The following DNAH14 variants were observed in gnomAD, a reference collection of about 807,000 sequenced individuals.
The protein encoded by DNAH14 is axonemal beta dynein heavy chain 14.
Under a neutral mutation model 520.9 loss-of-function variants are expected in DNAH14, and 478 were observed. The observed-to-expected ratio is 0.92, with a 90% CI of 0.85 to 0.99. The LOEUF is 0.99. DNAH14 is among the 50% of genes least tolerant of loss of function. DNAH14 has a pLI of 0.00. For synonymous variants in DNAH14, 1,581 were observed against 1,757.2 expected (o/e 0.90, Z 2.51); for missense variants, 4,831 against 5,234.5 (o/e 0.92, Z 2.38).
At chr1:225,187,615 A>G (rs535641297) in intron 37 of DNAH14, among the ~76,000 whole-genome samples, 196 of 152,004 alleles carry the variant, frequency 1.3e-3, no homozygotes, top group Non-Finnish European at 2.3e-3. Context: ...TTAGCAATGT[A>G]TGAGGCTTTC....
At chr1:225,001,843 A>G (rs979580522) in intron 8 of DNAH14, among the ~76,000 whole-genome samples, 2 of 152,066 alleles carry the variant, frequency 1.3e-5, no homozygotes, top group African/African-American at 4.8e-5. Context: ...TCAGATACTT[A>G]GAGGGATGTC....
At chr1:225,298,110 G>T (rs532766247) in intron 55 of DNAH14, among the ~76,000 whole-genome samples, 2 of 152,216 alleles carry the variant, frequency 1.3e-5, no homozygotes, top group East Asian at 3.9e-4. Context: ...GACCTGAAGG[G>T]GGTGTGTCTG....
intron 20 of DNAH14, among the ~76,000 whole-genome samples, chr1:225,083,329 A>T (rs1276879459): frequency 6.6e-6 from 1 of 152,114 alleles, no homozygotes; most frequent in Non-Finnish European, 1.5e-5. Context: ...CATATTTTAT[A>T]CCTATAATTC....
intron 8 of DNAH14, among the ~76,000 whole-genome samples, chr1:224,983,176 G>A (rs2062392517): frequency 6.6e-6 from 1 of 151,542 alleles, no homozygotes. Flanking sequence ...ATATTTTCCT[G>A]TTAGACAAGG....
At chr1:225,327,537 CA>C (rs2094703113) in intron 64 of DNAH14, among the ~76,000 whole-genome samples, 1 of 151,996 alleles carries the variant, frequency 6.6e-6, no homozygotes, top group South Asian at 2.1e-4. Context: ...AGAGACAAAT[CA>C]AATGCAACAA....
In DNAH14 at chr1:225,104,842, A is replaced by C. The variant is rs566048295; in HGVS notation, c.3867+3958A>C. On this transcript the variant is annotated intron_variant, in intron 23 of 85. Coordinates refer to ENST00000682510, the MANE Select transcript of DNAH14 (RefSeq NM_001367479.1). ...TGATCTTTTCAAAAAACCAGCTCCTAGATTCATTGATTTTTTGAAGGGTTT... is the reference window on the plus strand; with the variant it reads ...TGATCTTTTCAAAAAACCAGCTCCTCGATTCATTGATTTTTTGAAGGGTTT... Among the ~76,000 whole-genome samples the C allele has an allele frequency of 4.6e-5, 7 of 151,536 alleles. No homozygotes were observed. In the South Asian group the frequency reaches 1.5e-3, roughly 32 times the overall value.
intron 64 of DNAH14, among the ~76,000 whole-genome samples, chr1:225,326,018 T>C (rs1574788280): frequency 1.3e-5 from 2 of 152,360 alleles, no homozygotes; most frequent in East Asian, 1.9e-4. Context: ...TATATAGATA[T>C]ATCATTTCTT....
At position 225,140,879 on chromosome 1, in the gene DNAH14, G is replaced by T. The variant is rs778169949; in HGVS notation, c.4366G>T (p.Asp1456Tyr). ...GLMCHLEEVADLVVLDTSNSR... is the reference protein window; with the variant it reads ...GLMCHLEEVAYLVVLDTSNSR... The stretch of plus-strand genomic sequence containing the variant: ...GATGTGTCATCTAGAAGAGGTTGCA[G>T]ACCTGGTAGTGCTGGATACTAGTAA... The change falls in exon 28 of 86, where the codon GAC (aspartate) becomes TAC (tyrosine). Residue 1456 changes from aspartate (D) to tyrosine (Y), a missense_variant. Asp to Tyr is a radical substitution (Grantham distance 160). Coordinates refer to ENST00000682510, the MANE Select transcript of DNAH14 (RefSeq NM_001367479.1). 1 of 1,551,208 alleles carries T rather than the reference G, an allele frequency of 6.4e-7. No individual in the cohort carries two copies. The highest frequency in any genetic ancestry group is 1.4e-5 in the African/African-American group (1 of 73,018).
At chr1:225,362,273 A>G (rs532855031) in intron 75 of DNAH14, among the ~76,000 whole-genome samples, 19 of 152,208 alleles carry the variant, frequency 1.2e-4, no homozygotes, top group Admixed American at 2.6e-4. Flanking sequence ...GAGTATTATT[A>G]AAAGAAATTC....
At chr1:225,283,733 T>C (rs1411773687) in intron 54 of DNAH14, among the ~76,000 whole-genome samples, 1 of 152,102 alleles carries the variant, frequency 6.6e-6, no homozygotes, top group Non-Finnish European at 1.5e-5. Context: ...AAACACATAT[T>C]CTTTTGAAGC....
Position 224,967,405 on chromosome 1 carries a change from G to A in DNAH14, c.499-26G>A, listed in dbSNP as rs1341405855. 31 of 1,465,420 alleles carry A rather than the reference G, an allele frequency of 2.1e-5. No individual in the cohort carries two copies. In the Admixed American group the frequency reaches 5.5e-4, roughly 26 times the overall value. The allele number at this position is 1,465,420 out of a possible 1,614,324, so 90.8% of individuals were successfully genotyped here. On this transcript the variant is annotated intron_variant, in intron 5 of 85. Coordinates refer to ENST00000682510, the MANE Select transcript of DNAH14 (RefSeq NM_001367479.1). ...TAATTTAGTCAAATTAATTAAATTT[G>A]TTTATTATTTTTTTTTTAATCTCAG... is the stretch of plus-strand genomic sequence containing the variant.
At chr1:225,175,086 A>T (rs1015986708) in intron 36 of DNAH14, among the ~76,000 whole-genome samples, 1 of 152,174 alleles carries the variant, frequency 6.6e-6, no homozygotes, top group Non-Finnish European at 1.5e-5. Flanking sequence ...CTAGTATTAC[A>T]TTCAGAATTT....
chr1:224,978,101 G>A (rs1299106779), intron 8 of DNAH14, among the ~76,000 whole-genome samples: 1 of 152,122 alleles, frequency 6.6e-6, no homozygotes, highest in African/African-American at 2.4e-5. Flanking sequence ...AAAACAGTAC[G>A]GAGGTTTCTC....
In DNAH14 at chr1:225,364,702, G is replaced by A. The variant is rs535745045; in HGVS notation, c.11988-90G>A. Reference sequence around the variant, plus strand: ...CTTCAGTATTAAAATGATTCGTAAGGCCACTTCAAACAGTGAAATGCTATG... The same window carrying A: ...CTTCAGTATTAAAATGATTCGTAAGACCACTTCAAACAGTGAAATGCTATG... On this transcript the variant is annotated intron_variant, in intron 75 of 85. Coordinates refer to ENST00000682510, the MANE Select transcript of DNAH14 (RefSeq NM_001367479.1). 6.2e-5 allele frequency: 55 copies of A among 885,290 alleles called. No individual in the cohort carries two copies. In the African/African-American group the frequency reaches 8.2e-4, roughly 13 times the overall value. The allele number at this position is 885,290 out of a possible 1,614,324, so 54.8% of individuals were successfully genotyped here.
chr1:225,085,431 G>T, intron 20 of DNAH14, 113 bp from the exon 21 acceptor site: 1 of 963,940 alleles, frequency 1.0e-6, no homozygotes, highest in South Asian at 1.8e-5. Flanking sequence ...ACTGGAATTA[G>T]ATCTTCAATA....
intron 1 of DNAH14, among the ~76,000 whole-genome samples, chr1:224,950,699 C>A (rs182854125): frequency 6.6e-5 from 10 of 152,298 alleles, no homozygotes; most frequent in Admixed American, 6.5e-4. Flanking sequence ...GATGGCCTAT[C>A]GGCCAAATCT....
chr1:225,081,546 C>G (rs1183341062), intron 19 of DNAH14, among the ~76,000 whole-genome samples: 1 of 152,144 alleles, frequency 6.6e-6, no homozygotes, highest in Non-Finnish European at 1.5e-5. Context: ...CCCATGGTTC[C>G]CCAGATAAAA....
At chr1:225,116,080 G>A (rs1305699226) in intron 23 of DNAH14, among the ~76,000 whole-genome samples, 1 of 152,138 alleles carries the variant, frequency 6.6e-6, no homozygotes, top group Non-Finnish European at 1.5e-5. Flanking sequence ...AGTATTTTAG[G>A]CAAAGGTAAA....
In DNAH14 at chr1:225,192,711, G is replaced by C. The variant is rs2085603503; in HGVS notation, c.5686G>C (p.Gly1896Arg). The part of the protein sequence containing the change: ...KSASKISERK[G>R]KVDICVLNPK... ...TTTTTCCCAGATTTCAGAAAGAAAA[G>C]GAAAAGTAGATATTTGTGTTTTAAA... The change falls in exon 38 of 86, where the codon GGA becomes CGA. Residue 1896 changes from glycine to arginine, a missense_variant. Coordinates refer to ENST00000682510, the MANE Select transcript of DNAH14 (RefSeq NM_001367479.1). 3.2e-6 allele frequency: 5 copies of C among 1,547,130 alleles called. No individual in the cohort carries two copies. Among genetic ancestry groups the C allele is most frequent in the Non-Finnish European group, 4.4e-6 (5 of 1,144,234 alleles).
Sources: gnomAD v4.1 joint callset for allele counts (sites outside exome capture counted in the v4.1 genomes callset) on GRCh38, gnomAD v4.1.1 for gene constraint, MANE v1.5 for transcripts, NCBI Gene and HGNC (gene_info 2026-07-23, HGNC 2026-07-21) for gene names.